ZNRF1: variants seen among roughly 807,000 people sequenced by gnomAD.
ZNRF1 encodes E3 ubiquitin-protein ligase ZNRF1.
In ZNRF1, 3 loss-of-function variants were observed where a neutral mutation model predicts 18.4. That is an observed-to-expected ratio of 0.16 (90% confidence interval 0.07 to 0.42). The LOEUF is 0.42. Ranked by LOEUF, ZNRF1 falls within the 10% of genes least tolerant of loss-of-function variation. ZNRF1 has a pLI of 0.99. For synonymous variants in ZNRF1, 157 were observed against 144.2 expected, an observed-to-expected ratio of 1.09 and a Z score of -0.64; for missense variants, 310 against 329.8, an observed-to-expected ratio of 0.94 and a Z score of 0.47.
intron 1 of ZNRF1, among the ~76,000 whole-genome samples, chr16:75,031,442 G>A (rs1227205745): frequency 6.6e-6 from 1 of 151,920 alleles, no homozygotes; most frequent in Non-Finnish European, 1.5e-5. Flanking sequence ...CCAAATTTTT[G>A]TGTAGACATT....
intron 1 of ZNRF1, among the ~76,000 whole-genome samples, chr16:75,055,633 A>G (rs2035658047): frequency 1.3e-5 from 2 of 152,194 alleles, no homozygotes; most frequent in Non-Finnish European, 2.9e-5. Context: ...CCTGCCTGGA[A>G]GAAGGAGCTC....
chr16:75,021,827 G>A (rs2035153305), intron 1 of ZNRF1, among the ~76,000 whole-genome samples: 1 of 151,866 alleles, frequency 6.6e-6, no homozygotes, highest in South Asian at 2.1e-4. Context: ...TTTGCTATTT[G>A]TCCTTGAATA....
chr16:75,089,866 G>A (rs4888341), intron 1 of ZNRF1, among the ~76,000 whole-genome samples: 1,764 of 152,268 alleles, frequency 0.012, 93 homozygotes, highest in Admixed American at 0.082. Flanking sequence ...AAGGAATCAC[G>A]CTGGAATACA....
rs75143889 is a variant in ZNRF1 at position 75,001,458 on chromosome 16, A to T, written c.424+1363A>T. Among the ~76,000 whole-genome samples the T allele has an allele frequency of 5.8e-4, 89 of 152,332 alleles. 4 individuals carry two copies. In the East Asian group the frequency reaches 0.017, roughly 29 times the overall value. On this transcript the variant is annotated intron_variant, in intron 1 of 4. Coordinates refer to ENST00000335325, the MANE Select transcript of ZNRF1 (RefSeq NM_032268.5). ...AATCTCTGACAGACCTCCGGATATC[A>T]TTGGAGCTTTTCTGACCTCATGGAA...
At chr16:75,093,806 G>A (rs1886628990) in intron 2 of ZNRF1, 139 bp downstream of exon 2, 4 of 644,662 alleles carry the variant, frequency 6.2e-6, no homozygotes, top group Non-Finnish European at 1.1e-5. Context: ...CAGTGGTGGT[G>A]AGGAAGTGGA....
intron 1 of ZNRF1, among the ~76,000 whole-genome samples, chr16:75,090,156 A>G (rs1444590867): frequency 6.6e-6 from 1 of 152,172 alleles, no homozygotes; most frequent in Non-Finnish European, 1.5e-5. Context: ...AAAAAACCCC[A>G]TGTGAGTGCA....
chr16:75,102,081 G>C (rs755686185), intron 2 of ZNRF1, among the ~76,000 whole-genome samples: 27 of 152,306 alleles, frequency 1.8e-4, no homozygotes, highest in Non-Finnish European at 3.4e-4. Flanking sequence ...CATGTGCCTG[G>C]GGACTTAAGG....
rs1467304391 is a variant in ZNRF1 at position 75,010,734 on chromosome 16, A to G, written c.424+10639A>G. ...TTGTTTTTTTGTTTTTTTTTTTTTG[A>G]GGAGTCTCGCTCTGTCACCAGGCTG... On this transcript the variant is annotated intron_variant, in intron 1 of 4. Transcript: ENST00000335325. Among the ~76,000 whole-genome samples, 15 of 37,928 alleles carry G rather than the reference A, an allele frequency of 4.0e-4. No homozygotes were observed. In the East Asian group the frequency reaches 4.6e-3, roughly 12 times the overall value. 24.9% of individuals were successfully genotyped at this position (37,928 alleles called of 152,430 possible).
In ZNRF1 at chr16:75,110,637, G is replaced by C. The variant is rs1335954073; in HGVS notation, c.*2937G>C. The C allele has an allele frequency of 6.6e-6, 1 of 152,256 alleles. No individual in the cohort carries two copies. The highest frequency in any genetic ancestry group is 2.4e-5 in the African/African-American group (1 of 41,460). 9.4% of individuals were successfully genotyped at this position (152,256 alleles called of 1,614,324 possible). A position where few individuals can be genotyped will look rare whatever the true frequency, so the allele number is the denominator to read the frequency against. On this transcript the variant is annotated 3_prime_UTR_variant, in exon 5 of 5. Transcript: ENST00000335325. ...TGAATCTGCAGTGGCTGGTATTTCA[G>C]TGAACAGTGTACTTGTTCTTTCAAC...
intron 1 of ZNRF1, among the ~76,000 whole-genome samples, chr16:75,080,922 C>T (rs1213372920): frequency 6.6e-6 from 1 of 151,518 alleles, no homozygotes; most frequent in Non-Finnish European, 1.5e-5. Flanking sequence ...ACCTGTAATC[C>T]CAGTACTTTG....
At chr16:75,000,685 G>A (rs1352158308) in intron 1 of ZNRF1, among the ~76,000 whole-genome samples, 2 of 152,188 alleles carry the variant, frequency 1.3e-5, no homozygotes, top group African/African-American at 2.4e-5. Flanking sequence ...TGTACGGAGG[G>A]CCCAGCCGGC....
intron 1 of ZNRF1, among the ~76,000 whole-genome samples, chr16:75,035,351 T>C (rs1455208969): frequency 6.6e-6 from 1 of 152,246 alleles, no homozygotes; most frequent in Non-Finnish European, 1.5e-5. Flanking sequence ...GTTTTTCTTA[T>C]AGAAAGTATA....
In ZNRF1 at chr16:74,999,481, C is replaced by T. The variant is rs1048172017; in HGVS notation, c.-191C>T. 2.6e-5 allele frequency: 11 copies of T among 424,062 alleles called. No individual in the cohort carries two copies. The highest frequency in any genetic ancestry group is 4.4e-5 in the Non-Finnish European group (11 of 247,228). The allele number at this position is 424,062 out of a possible 1,614,324, so 26.3% of individuals were successfully genotyped here. On this transcript the variant is annotated 5_prime_UTR_variant, in exon 1 of 5. Coordinates refer to ENST00000335325, the MANE Select transcript of ZNRF1 (RefSeq NM_032268.5). ...GTTTGAAATTCTGAGTTTGGGATCC[C>T]CGCCCGCCCGCCTGCCTCTTCCGCC...
intron 1 of ZNRF1, among the ~76,000 whole-genome samples, chr16:75,065,092 G>A (rs2035786285): frequency 6.6e-6 from 1 of 152,240 alleles, no homozygotes; most frequent in South Asian, 2.1e-4. Context: ...AAGGGAATGT[G>A]TTTTCATGCA....
chr16:75,020,220 C>G (rs145553118), intron 1 of ZNRF1, among the ~76,000 whole-genome samples: 96 of 152,132 alleles, frequency 6.3e-4, no homozygotes, highest in Non-Finnish European at 1.1e-3. Flanking sequence ...GTATTAATGT[C>G]AGCTTTCTTT....
intron 1 of ZNRF1, among the ~76,000 whole-genome samples, chr16:75,084,166 G>A (rs140617430): frequency 1.5e-4 from 23 of 152,280 alleles, no homozygotes; most frequent in Middle Eastern, 3.4e-3. Context: ...ACGTTCTTCC[G>A]TTCACATTTC....
chr16:75,027,693 T>C (rs940221929), intron 1 of ZNRF1, among the ~76,000 whole-genome samples: 1 of 152,190 alleles, frequency 6.6e-6, no homozygotes, highest in African/African-American at 2.4e-5. Flanking sequence ...CTTGTCACAC[T>C]TGCTTGGCTA....
Position 75,055,933 on chromosome 16 carries a change from G to A in ZNRF1, c.425-37639G>A, listed in dbSNP as rs557424094. Reference sequence around the variant, plus strand: ...AATGTTTCTGTTCCAGTATTTCCTCGATAAAGACATTTGCCAACCAGTGAT... The same window carrying A: ...AATGTTTCTGTTCCAGTATTTCCTCAATAAAGACATTTGCCAACCAGTGAT... On this transcript the variant is annotated intron_variant, in intron 1 of 4. Transcript: ENST00000335325. Among the ~76,000 whole-genome samples, 23 of 152,258 alleles carry A rather than the reference G, an allele frequency of 1.5e-4. No homozygotes were observed. The South Asian group carries it at 3.1e-3, about 21-fold the overall frequency.
intron 1 of ZNRF1, among the ~76,000 whole-genome samples, chr16:75,019,020 GC>G (rs1463462970): frequency 6.6e-6 from 1 of 152,040 alleles, no homozygotes; most frequent in African/African-American, 2.4e-5. Flanking sequence ...ATAAAAGTTA[GC>G]CGGGCGTGGT....
Sources: allele counts gnomAD v4.1 joint callset (sites outside exome capture counted in the v4.1 genomes callset), GRCh38; gene constraint gnomAD v4.1.1; transcripts MANE v1.5; gene names NCBI Gene and HGNC (gene_info 2026-07-23, HGNC 2026-07-21).